P2RX4: variants seen among roughly 807,000 people sequenced by gnomAD.
P2RX4 encodes P2X purinoceptor 4.
In P2RX4, 37 loss-of-function variants were observed where a neutral mutation model predicts 48.0. The ratio of observed to expected loss-of-function variants is 0.77; its 90% CI spans 0.59 to 1.01. The LOEUF (loss-of-function observed/expected upper bound fraction) is 1.01. P2RX4 is among the 50% of genes least tolerant of loss of function. P2RX4 has a pLI of 0.00. For synonymous variants in P2RX4, 200 were observed against 199.7 expected, an observed-to-expected ratio of 1.00 and a Z score of -0.01; for missense variants, 501 against 521.4, an observed-to-expected ratio of 0.96 and a Z score of 0.38.
intron 4 of P2RX4, chr12:121,222,629 C>T: frequency 6.3e-6 from 4 of 638,924 alleles, no homozygotes; most frequent in Non-Finnish European, 1.0e-5. Context: ...CCAGGCTGGT[C>T]TCGAACTCCT....
intron 2 of P2RX4, among the ~76,000 whole-genome samples, chr12:121,221,152 GTGTC>G (rs377741747): frequency 3.1e-4 from 31 of 98,668 alleles, no homozygotes; most frequent in Admixed American, 4.8e-4. Context: ...GTGTGTGCGT[GTGTC>G]TGTGTGTGTT....
At position 121,232,447 on chromosome 12, in the gene P2RX4, C is replaced by T. The variant is rs144821260; in HGVS notation, c.918C>T (p.Asn306=). The change falls in exon 9 of 12, where the codon AAC becomes AAT. Residue 306 remains asparagine, a synonymous_variant. Coordinates refer to ENST00000337233, the MANE Select transcript of P2RX4 (RefSeq NM_002560.3). The surrounding 1 kb of genome is among the most constrained non-coding windows in gnomAD (Gnocchi z 4.3). The part of the protein sequence containing the change: ...FAKYYRDLAG[N]EQRTLIKAYG... ...AGTACTACAGAGACCTGGCTGGCAA[C>T]GAGCAGCGCACGCTCATCAAGGCCT... 517 of 1,614,078 alleles carry T rather than the reference C, an allele frequency of 3.2e-4. 2 individuals carry two copies. In the African/African-American group the frequency reaches 5.8e-3, roughly 18 times the overall value.
chr12:121,213,467 T>C (rs1267114790), intron 1 of P2RX4: 1 of 152,186 alleles, frequency 6.6e-6, no homozygotes, highest in Non-Finnish European at 1.5e-5. Context: ...ACATTTTTTA[T>C]TGATGACATG....
In P2RX4 at chr12:121,232,808, C is replaced by G; in HGVS notation, c.1044+132C>G. On this transcript the variant is annotated intron_variant, in intron 10 of 11. Transcript: ENST00000337233. This position sits in a 1 kb window ranked among gnomAD's most constrained non-coding sequence, Gnocchi z 4.3. The stretch of plus-strand genomic sequence containing the variant: ...ACCCTCCTACCTTCTTTCCCTTGGC[C>G]CCCAGCCCTCCTCCCACCTTCCCTT... 1.1e-6 allele frequency: 1 copy of G among 911,660 alleles called. No homozygotes were observed. The highest frequency in any genetic ancestry group is 2.4e-5 in the East Asian group (1 of 41,730). 56.5% of individuals were successfully genotyped at this position (911,660 alleles called of 1,614,324 possible). A position where few individuals can be genotyped will look rare whatever the true frequency, so the allele number is the denominator to read the frequency against.
intron 5 of P2RX4, among the ~76,000 whole-genome samples, chr12:121,225,071 G>C (rs1886893912): frequency 7.7e-6 from 1 of 129,896 alleles, no homozygotes; most frequent in South Asian, 2.5e-4. Context: ...CATCAAATTG[G>C]ATTTTTTTTT....
intron 1 of P2RX4, among the ~76,000 whole-genome samples, chr12:121,211,539 T>C (rs1885851605): frequency 6.6e-6 from 1 of 152,044 alleles, no homozygotes; most frequent in Non-Finnish European, 1.5e-5. Context: ...ATAATTACCT[T>C]GCCACCTGGG....
chr12:121,212,245 A>T (rs1885912057), intron 1 of P2RX4, among the ~76,000 whole-genome samples: 1 of 152,076 alleles, frequency 6.6e-6, no homozygotes, highest in South Asian at 2.1e-4. Flanking sequence ...ATTCAAGAGG[A>T]TGGCTTTCCA....
At chr12:121,227,876 A>AG (rs1289224500) in intron 5 of P2RX4, among the ~76,000 whole-genome samples, 16 of 151,596 alleles carry the variant, frequency 1.1e-4, no homozygotes, top group Non-Finnish European at 1.5e-5. Flanking sequence ...GCTTGAGGTC[A>AG]GGAGTTCAAG....
chr12:121,233,044 A>C lies in P2RX4; in HGVS notation c.1092A>C (p.Arg364Ser), dbSNP rs1887473639. ...DIIVLYCMKKRLYYREKKYKY... is the reference protein window; with the variant it reads ...DIIVLYCMKKSLYYREKKYKY... The stretch of plus-strand genomic sequence containing the variant: ...TAGTCCTCTACTGCATGAAGAAAAG[A>C]CTCTACTATCGGGAGAAGAAATATA... The change falls in exon 11 of 12, where the codon AGA (arginine) becomes AGC (serine). Residue 364 changes from arginine to serine, a missense_variant. Transcript: ENST00000337233. 2 of 1,613,568 alleles carry C rather than the reference A, an allele frequency of 1.2e-6. No individual in the cohort carries two copies. The highest frequency in any genetic ancestry group is 1.7e-6 in the Non-Finnish European group (2 of 1,179,846).
intron 11 of P2RX4, 48 bp from the exon 12 acceptor site, chr12:121,233,475 A>C (rs1887503547): frequency 6.3e-7 from 1 of 1,586,740 alleles, no homozygotes; most frequent in Non-Finnish European, 8.6e-7. Flanking sequence ...CCCGCCTGCC[A>C]CAAGGGGTCC....
chr12:121,226,156 G>A (rs1886963199), intron 5 of P2RX4, among the ~76,000 whole-genome samples: 1 of 152,058 alleles, frequency 6.6e-6, no homozygotes, highest in Non-Finnish European at 1.5e-5. Flanking sequence ...TACAGCGTGA[G>A]CCACCACACC....
At chr12:121,215,511 A>G (rs1886173901) in intron 1 of P2RX4, 1 of 146,774 alleles carries the variant, frequency 6.8e-6, no homozygotes, top group Non-Finnish European at 1.5e-5. Context: ...CGGTGGCATC[A>G]CAGCTCACTG....
intron 11 of P2RX4, 65 bp from the exon 12 acceptor site, chr12:121,233,458 C>A (rs7961979): frequency 0.12 from 179,559 of 1,546,224 alleles, 11,181 homozygotes; most frequent in African/African-American, 0.13. Context: ...CAGGAGCGCA[C>A]CTCCCTCCCG....
intron 5 of P2RX4, chr12:121,223,293 C>A (rs573610841): frequency 1.1e-5 from 5 of 443,718 alleles, no homozygotes; most frequent in African/African-American, 8.0e-5. Flanking sequence ...CCACGCTGGT[C>A]TCCAACTCCT....
rs954383924 is a variant in P2RX4 at position 121,233,782 on chromosome 12, G to A, written c.*233G>A. The A allele has an allele frequency of 6.0e-6, 6 of 995,596 alleles. No homozygotes were observed. In the African/African-American group the frequency reaches 6.6e-5, roughly 11 times the overall value. 61.7% of individuals were successfully genotyped at this position (995,596 alleles called of 1,614,324 possible). A position where few individuals can be genotyped will look rare whatever the true frequency, so the allele number is the denominator to read the frequency against. On this transcript the variant is annotated 3_prime_UTR_variant, in exon 12 of 12. Coordinates refer to ENST00000337233, the MANE Select transcript of P2RX4 (RefSeq NM_002560.3). The stretch of plus-strand genomic sequence containing the variant: ...TGGCTGGGTCAACTCTGCTTTTCCC[G>A]CAACCTGGGGTTGTCGGGGGAGCGC...
intron 11 of P2RX4, 131 bp downstream of exon 11, chr12:121,233,223 C>A: frequency 1.5e-6 from 1 of 688,610 alleles, no homozygotes; most frequent in Non-Finnish European, 2.5e-6. Context: ...CCCCGTTAAC[C>A]CGGGCAGTCC....
chr12:121,223,785 C>T (rs1274314624), intron 5 of P2RX4, among the ~76,000 whole-genome samples: 1 of 152,176 alleles, frequency 6.6e-6, no homozygotes. Flanking sequence ...CAGGCTGAGG[C>T]AGAAGAATCT....
In P2RX4 at chr12:121,233,053, T is replaced by C; in HGVS notation, c.1101T>C (p.Tyr367=). 1 of 1,613,578 alleles carries C rather than the reference T, an allele frequency of 6.2e-7. No individual in the cohort carries two copies. The highest frequency in any genetic ancestry group is 1.7e-5 in the Admixed American group (1 of 59,976). Reference sequence around the variant, plus strand: ...ACTGCATGAAGAAAAGACTCTACTATCGGGAGAAGAAATATAAATATGTGG... The same window carrying C: ...ACTGCATGAAGAAAAGACTCTACTACCGGGAGAAGAAATATAAATATGTGG... ...VLYCMKKRLY[Y]REKKYKYVED... The change falls in exon 11 of 12, where the codon TAT becomes TAC. Residue 367 remains tyrosine (Y), a synonymous_variant. Transcript: ENST00000337233.
In P2RX4 at chr12:121,210,184, C is replaced by T; in HGVS notation, c.20C>T (p.Ala7Val). The T allele has an allele frequency of 6.5e-7, 1 of 1,529,454 alleles. No homozygotes were observed. The highest frequency in any genetic ancestry group is 8.7e-7 in the Non-Finnish European group (1 of 1,145,618). The allele number at this position is 1,529,454 out of a possible 1,614,324, so 94.7% of individuals were successfully genotyped here. The change falls in exon 1 of 12, where the codon GCG (alanine) becomes GTG (valine). Residue 7 changes from alanine to valine, a missense_variant. Ala to Val is a moderately conservative substitution (Grantham distance 64, BLOSUM62 0). This residue lies in a region of P2RX4 where 295 missense variants were observed against 275.3 expected (regional missense o/e 1.07). Coordinates refer to ENST00000337233, the MANE Select transcript of P2RX4 (RefSeq NM_002560.3). The stretch of plus-strand genomic sequence containing the variant: ...GCGGCCATGGCGGGCTGCTGCGCCG[C>T]GCTGGCGGCCTTCCTGTTCGAGTAC... The part of the protein sequence containing the change: MAGCCA[A>V]LAAFLFEYDT...
Sources: gnomAD v4.1 joint callset for allele counts (sites outside exome capture counted in the v4.1 genomes callset) on GRCh38, gnomAD v4.1.1 for gene constraint, gnomAD v4.1.1 regional missense constraint, Gnocchi (gnomAD v3.1) non-coding constraint, MANE v1.5 for transcripts, NCBI Gene and HGNC (gene_info 2026-07-23, HGNC 2026-07-21) for gene names.